The following FBXL16 variants were observed in gnomAD, a reference collection of about 807,000 sequenced individuals.
FBXL16 encodes the protein F-box/LRR-repeat protein 16.
A neutral mutation model predicts 36.7 loss-of-function variants in FBXL16; 7 were observed. The ratio of observed to expected loss-of-function variants is 0.19; its 90% confidence interval spans 0.11 to 0.36. FBXL16 has a LOEUF of 0.36. FBXL16 is among the 10% of genes least tolerant of loss of function. The pLI, the probability that FBXL16 is intolerant of heterozygous loss-of-function variation, is 1.00. For synonymous variants in FBXL16, 355 were observed against 308.7 expected (o/e 1.15, Z -1.57); for missense variants, 463 against 659.4 (o/e 0.70, Z 3.26).
At position 697,413 on chromosome 16, in the gene FBXL16, G is replaced by A; in HGVS notation, c.-8C>T. 3 of 1,530,450 alleles carry A rather than the reference G, an allele frequency of 2.0e-6. No homozygotes were observed. The highest frequency in any genetic ancestry group is 2.4e-5 in the South Asian group (2 of 83,258). The allele number at this position is 1,530,450 out of a possible 1,614,324, so 94.8% of individuals were successfully genotyped here. Reference sequence around the variant, plus strand: ...GATGCCCGGGCTCGACATCTTCCTGGCACGCTCTGTGGATGAGGGCCGGGA... The same window carrying A: ...GATGCCCGGGCTCGACATCTTCCTGACACGCTCTGTGGATGAGGGCCGGGA... On this transcript the variant is annotated 5_prime_UTR_variant, in exon 2 of 6. Transcript: ENST00000397621. The surrounding 1 kb of genome is among the most constrained non-coding windows in gnomAD (Gnocchi z 4.6).
chr16:698,774 C>T (rs959276017), intron 1 of FBXL16, among the ~76,000 whole-genome samples: 16 of 151,724 alleles, frequency 1.1e-4, no homozygotes, highest in African/African-American at 3.9e-4. Context: ...ATTAGCCGGG[C>T]TTGGTGGCAG....
rs2039988612 is a variant in FBXL16, at chr16:693,808, C to G, written c.*467G>C. ...TGGGCCCGTGTCCTGGGGGACCCAG[C>G]CCCCTCAATCCCACTGGGCCCTGCC... On this transcript the variant is annotated 3_prime_UTR_variant, in exon 6 of 6. Coordinates refer to ENST00000397621, the MANE Select transcript of FBXL16 (RefSeq NM_153350.4). 2 of 152,810 alleles carry G rather than the reference C, an allele frequency of 1.3e-5. No homozygotes were observed. Among genetic ancestry groups the G allele is most frequent in the African/African-American group, 4.8e-5 (2 of 41,444 alleles). 9.5% of individuals were successfully genotyped at this position (152,810 alleles called of 1,614,324 possible).
chr16:695,653 G>C lies in FBXL16; in HGVS notation c.904C>G (p.Leu302Val). ...QGHSTHTLRL[L>V]SCWEITNHGV... ...TGGTTGGTGATCTCCCAGCAGGAGA[G>C]CAGGCGCAGCGTGTGCGTGCTGTGG... The change falls in exon 3 of 6, where the codon CTC becomes GTC. Residue 302 changes from leucine (L) to valine (V), a missense_variant. This residue lies in a region of FBXL16 where 66 missense variants were observed against 146.3 expected (regional missense o/e 0.45). Transcript: ENST00000397621. 6.2e-7 allele frequency: 1 copy of C among 1,606,482 alleles called. No individual in the cohort carries two copies. The highest frequency in any genetic ancestry group is 1.7e-5 in the Admixed American group (1 of 59,788).
chr16:695,831 C>G lies in FBXL16; in HGVS notation c.726G>C (p.Ala242=). ...CACTCACGCTCAGCGAGGTGATGCG[C>G]GCGCTCAGGCTGGACCACAGCCCGG... ...TEAGLWSSLS[A]RITSLSVSDC... Residue 242 remains alanine, a synonymous_variant, in exon 3 of 6, where the codon GCG becomes GCC. Coordinates refer to ENST00000397621, the MANE Select transcript of FBXL16 (RefSeq NM_153350.4). 1 of 1,608,964 alleles carries G rather than the reference C, an allele frequency of 6.2e-7. No homozygotes were observed. The highest frequency in any genetic ancestry group is 8.5e-7 in the Non-Finnish European group (1 of 1,178,120).
At chr16:702,453 G>C (rs1344441755) in intron 1 of FBXL16, among the ~76,000 whole-genome samples, 2 of 152,180 alleles carry the variant, frequency 1.3e-5, no homozygotes, top group African/African-American at 4.8e-5. Context: ...TCTCCTCCTG[G>C]CCTGAGGACT....
chr16:703,713 G>A (rs1340322181), intron 1 of FBXL16, among the ~76,000 whole-genome samples: 7 of 152,252 alleles, frequency 4.6e-5, no homozygotes, highest in Non-Finnish European at 8.8e-5. Context: ...CTGAGGAGGG[G>A]CACCATGGCG....
At chr16:694,466 G>A in intron 5 of FBXL16, 43 bp from the exon 6 acceptor site, 3 of 1,521,258 alleles carry the variant, frequency 2.0e-6, no homozygotes, top group South Asian at 1.2e-5. Context: ...GCGGCCCAGG[G>A]CTCGGGCGGG....
intron 3 of FBXL16, 137 bp downstream of exon 3, chr16:695,278 C>T (rs1405496783): frequency 1.7e-6 from 2 of 1,188,370 alleles, no homozygotes; most frequent in South Asian, 3.4e-5. Flanking sequence ...CCCCAGGCTC[C>T]GAGGGCTCTG....
Position 694,205 on chromosome 16 carries a change from G to A in FBXL16, c.*70C>T, listed in dbSNP as rs935309222. 2 of 1,136,838 alleles carry A rather than the reference G, an allele frequency of 1.8e-6. No individual in the cohort carries two copies. 70.4% of individuals were successfully genotyped at this position (1,136,838 alleles called of 1,614,324 possible). A position where few individuals can be genotyped will look rare whatever the true frequency, so the allele number is the denominator to read the frequency against. ...CCCCGAGCGCAAGGCGGGAAGAGGGGGCTCGGCGGCGCCCCGCGCCCCCGC... is the reference window on the plus strand; with the variant it reads ...CCCCGAGCGCAAGGCGGGAAGAGGGAGCTCGGCGGCGCCCCGCGCCCCCGC... On this transcript the variant is annotated 3_prime_UTR_variant, in exon 6 of 6. Coordinates refer to ENST00000397621, the MANE Select transcript of FBXL16 (RefSeq NM_153350.4).
intron 3 of FBXL16, 164 bp downstream of exon 3, chr16:695,251 G>A (rs1456381220): frequency 3.5e-6 from 4 of 1,154,202 alleles, no homozygotes; most frequent in Non-Finnish European, 4.7e-6. Flanking sequence ...CCGTGCTGCG[G>A]TTCTGCGGTT....
chr16:695,573 C>T lies in FBXL16; in HGVS notation c.984G>A (p.Ser328=). 1.2e-6 allele frequency: 2 copies of T among 1,605,022 alleles called. No individual in the cohort carries two copies. Among genetic ancestry groups the T allele is most frequent in the Non-Finnish European group, 1.7e-6 (2 of 1,179,050 alleles). The change falls in exon 3 of 6, where the codon TCG becomes TCA. Residue 328 remains serine, a synonymous_variant. Transcript: ENST00000397621. The stretch of plus-strand genomic sequence containing the variant: ...CGTCGTCGGTGACCTTGGAGCAGCC[C>T]GAGAGGCTGAGCGCGGTGAGGTTGG... ...SLPNLTALSL[S]GCSKVTDDGV...
intron 1 of FBXL16, among the ~76,000 whole-genome samples, chr16:701,769 G>A (rs1174163031): frequency 6.6e-5 from 10 of 152,230 alleles, no homozygotes; most frequent in Admixed American, 4.6e-4. Context: ...CAAGCAGCCC[G>A]GGTGCTAATA....
Position 698,230 on chromosome 16 carries a change from T to C in FBXL16, c.-14-811A>G, listed in dbSNP as rs188107891. On this transcript the variant is annotated intron_variant, in intron 1 of 5. Transcript: ENST00000397621. ...GTTGGTCAGGCTGGTCTCAAACTCC[T>C]GACCTCAAGTGATCCACCCGCCTCA... Among the ~76,000 whole-genome samples, 483 of 152,218 alleles carry C rather than the reference T, an allele frequency of 3.2e-3. 1 individual carries two copies. Among genetic ancestry groups the C allele is most frequent in the Non-Finnish European group, 5.4e-3 (370 of 68,002 alleles).
Position 693,996 on chromosome 16 carries a change from G to T in FBXL16, c.*279C>A. On this transcript the variant is annotated 3_prime_UTR_variant, in exon 6 of 6. Transcript: ENST00000397621. Reference sequence around the variant, plus strand: ...CTGTGGCTGTGGCGTGGCGGAGGGCGGCGTGCAGTGCGGGCACGAGGGGCA... The same window carrying T: ...CTGTGGCTGTGGCGTGGCGGAGGGCTGCGTGCAGTGCGGGCACGAGGGGCA... The T allele has an allele frequency of 5.6e-6, 1 of 178,946 alleles. No homozygotes were observed. The highest frequency in any genetic ancestry group is 1.7e-4 in the South Asian group (1 of 5,738). 11.1% of individuals were successfully genotyped at this position (178,946 alleles called of 1,614,324 possible). A position where few individuals can be genotyped will look rare whatever the true frequency, so the allele number is the denominator to read the frequency against.
chr16:696,124 T>C, intron 2 of FBXL16: 1 of 688,624 alleles, frequency 1.5e-6, no homozygotes, highest in Non-Finnish European at 2.2e-6. Context: ...ACAATTAGAC[T>C]CCAGACCCGG....
chr16:702,566 G>T (rs1033512373), intron 1 of FBXL16, among the ~76,000 whole-genome samples: 11 of 152,240 alleles, frequency 7.2e-5, no homozygotes, highest in African/African-American at 2.7e-4. Context: ...CGCTAGCTCA[G>T]TCACGCAGAA....
chr16:698,960 A>G (rs958577898), intron 1 of FBXL16, among the ~76,000 whole-genome samples: 3 of 84,648 alleles, frequency 3.5e-5, no homozygotes, highest in African/African-American at 7.6e-5. Context: ...AGAAAAAAAG[A>G]AAAGAAAAAG....
At position 696,762 on chromosome 16, in the gene FBXL16, C is replaced by T; in HGVS notation, c.633+11G>A. On this transcript the variant is annotated intron_variant, in intron 2 of 5. Coordinates refer to ENST00000397621, the MANE Select transcript of FBXL16 (RefSeq NM_153350.4). ...CCCCCCAGCCCTGTCCCCCCCGAGC[C>T]TGGTGCACACCTCGAGGCCTGCGTC... 1 of 1,426,558 alleles carries T rather than the reference C, an allele frequency of 7.0e-7. No homozygotes were observed. The highest frequency in any genetic ancestry group is 9.2e-7 in the Non-Finnish European group (1 of 1,084,190). The allele number at this position is 1,426,558 out of a possible 1,614,324, so 88.4% of individuals were successfully genotyped here.
At chr16:703,475 C>T (rs2151522967) in intron 1 of FBXL16, among the ~76,000 whole-genome samples, 1 of 152,340 alleles carries the variant, frequency 6.6e-6, no homozygotes, top group African/African-American at 2.4e-5. Flanking sequence ...CTGGGCAGGG[C>T]CCTGGTGGCC....
Sources: allele counts gnomAD v4.1 joint callset (sites outside exome capture counted in the v4.1 genomes callset), GRCh38; gene constraint gnomAD v4.1.1; regional missense constraint gnomAD v4.1.1; non-coding constraint Gnocchi (gnomAD v3.1); transcripts MANE v1.5; gene names NCBI Gene and HGNC (gene_info 2026-07-23, HGNC 2026-07-21).